PMS1: variants seen among roughly 807,000 people sequenced by gnomAD.
PMS1 encodes PMS1 protein homolog 1.
In PMS1, 79 loss-of-function variants were observed where a neutral mutation model predicts 93.1. That is an observed-to-expected ratio of 0.85 (90% CI 0.71 to 1.02). The LOEUF is 1.02. PMS1 is among the 50% of genes least tolerant of loss of function. The pLI, the probability that PMS1 is intolerant of heterozygous loss-of-function variation, is 0.00. For synonymous variants in PMS1, 335 were observed against 363.4 expected, an observed-to-expected ratio of 0.92 and a Z score of 0.89; for missense variants, 1,064 against 1,085.3, an observed-to-expected ratio of 0.98 and a Z score of 0.28.
intron 7 of PMS1, 72 bp downstream of exon 7, chr2:189,852,849 G>C (rs2106451434): frequency 5.3e-6 from 5 of 939,176 alleles, no homozygotes; most frequent in Non-Finnish European, 8.6e-6. Flanking sequence ...CTGCTTCCAA[G>C]AATTTGCTCT....
chr2:189,801,861 C>T (rs1183852902), intron 3 of PMS1, among the ~76,000 whole-genome samples: 1 of 152,108 alleles, frequency 6.6e-6, no homozygotes, highest in Non-Finnish European at 1.5e-5. Context: ...AAGTAGTATG[C>T]ATCTGGATAA....
Position 189,852,666 on chromosome 2 carries a change from T to C in PMS1, c.711T>C (p.Ser237=). Residue 237 remains serine (S), a synonymous_variant, in exon 7 of 13, where the codon AGT becomes AGC. Transcript: ENST00000441310. ...TAATTATTATATAGATTTATCTCAGTGGATTTCTTCCAAAGTGTGATGCAG... is the reference window on the plus strand; with the variant it reads ...TAATTATTATATAGATTTATCTCAGCGGATTTCTTCCAAAGTGTGATGCAG... The part of the protein sequence containing the change: ...YHSEESQIYL[S]GFLPKCDADH... 6.2e-7 allele frequency: 1 copy of C among 1,606,390 alleles called. No homozygotes were observed. Among genetic ancestry groups the C allele is most frequent in the Non-Finnish European group, 8.5e-7 (1 of 1,173,136 alleles).
intron 4 of PMS1, among the ~76,000 whole-genome samples, chr2:189,807,558 T>C (rs1559235205): frequency 6.6e-6 from 1 of 152,220 alleles, no homozygotes; most frequent in Non-Finnish European, 1.5e-5. Context: ...TTTGTCTTAG[T>C]AGTGACCAGT....
At chr2:189,812,331 A>T (rs2050919155) in intron 4 of PMS1, among the ~76,000 whole-genome samples, 1 of 152,166 alleles carries the variant, frequency 6.6e-6, no homozygotes. Context: ...ACAAAATTTG[A>T]TTTAGACTTC....
In PMS1 at chr2:189,840,720, T is replaced by C. The variant is rs369671627; in HGVS notation, c.583-3244T>C. On this transcript the variant is annotated intron_variant, in intron 5 of 12. Transcript: ENST00000441310. ...CTTAGGTATAAGGATCTGCATAATA[T>C]GATTAAGGTTGTTACCAAGAACTAT... Among the ~76,000 whole-genome samples, 23 of 152,324 alleles carry C rather than the reference T, an allele frequency of 1.5e-4. 1 individual carries two copies. The highest frequency in any genetic ancestry group is 1.4e-3 in the Admixed American group (21 of 15,292).
At chr2:189,850,080 A>G (rs1434099196) in intron 6 of PMS1, among the ~76,000 whole-genome samples, 2 of 152,154 alleles carry the variant, frequency 1.3e-5, no homozygotes, top group Non-Finnish European at 2.9e-5. Context: ...TTTTGCAGTC[A>G]TAACATCTTT....
At chr2:189,827,914 T>TTTTG (rs57432899) in intron 5 of PMS1, among the ~76,000 whole-genome samples, 5,303 of 150,124 alleles carry the variant, frequency 0.035, 214 homozygotes, top group African/African-American at 0.1. Flanking sequence ...AAAAATAAGG[T>TTTTG]TTTGTTTGTT....
At chr2:189,862,764 A>G (rs1453609291) in intron 9 of PMS1, among the ~76,000 whole-genome samples, 1 of 152,186 alleles carries the variant, frequency 6.6e-6, no homozygotes, top group Non-Finnish European at 1.5e-5. Context: ...TTATCCTAAG[A>G]TGTGGCCCTC....
intron 9 of PMS1, among the ~76,000 whole-genome samples, chr2:189,860,800 ATTTTTTTTTTTTTTTTTTTTTTT>A (rs1158514130): frequency 0.033 from 1,340 of 41,092 alleles, 59 homozygotes; most frequent in African/African-American, 0.11. Flanking sequence ...TCTTTGAGGA[ATTTTTTTTTTTTTTTTTTTTTTT>A]TTTTTTTTTT....
Position 189,810,007 on chromosome 2 carries a change from C to T in PMS1, c.418+4253C>T, listed in dbSNP as rs529157347. ...TATATTTTGCCCTCTTGATTTCTGTCTTCCTTCTGTCTAGAGCTACAGTGC... is the reference window on the plus strand; with the variant it reads ...TATATTTTGCCCTCTTGATTTCTGTTTTCCTTCTGTCTAGAGCTACAGTGC... On this transcript the variant is annotated intron_variant, in intron 4 of 12. Coordinates refer to ENST00000441310, the MANE Select transcript of PMS1 (RefSeq NM_000534.5). Among the ~76,000 whole-genome samples the T allele has an allele frequency of 2.0e-5, 3 of 152,302 alleles. No homozygotes were observed. In the South Asian group the frequency reaches 6.2e-4, roughly 32 times the overall value.
chr2:189,821,815 A>T (rs2051919088), intron 5 of PMS1, among the ~76,000 whole-genome samples: 3 of 152,218 alleles, frequency 2.0e-5, no homozygotes. Context: ...TCTCCAAAAC[A>T]TAAATAAATA....
intron 2 of PMS1, among the ~76,000 whole-genome samples, 175 bp from the exon 3 acceptor site, chr2:189,795,594 C>G (rs1294473643): frequency 2.6e-5 from 4 of 152,182 alleles, no homozygotes; most frequent in Non-Finnish European, 5.9e-5. Context: ...AGGGAGTTGC[C>G]TGTTGCACCA....
At chr2:189,867,532 A>G (rs1325982714) in intron 10 of PMS1, among the ~76,000 whole-genome samples, 1 of 149,008 alleles carries the variant, frequency 6.7e-6, no homozygotes. Flanking sequence ...TTTCATTTGT[A>G]TTAGAGAGAG....
chr2:189,853,965 AT>A lies in PMS1; in HGVS notation c.850del (p.Cys284AlafsTer2). 2.5e-6 allele frequency: 4 copies of A among 1,595,686 alleles called. No individual in the cohort carries two copies. Among genetic ancestry groups the A allele is most frequent in the Non-Finnish European group, 3.4e-6 (4 of 1,167,686 alleles). On this transcript the variant is annotated frameshift_variant, in exon 8 of 13. Transcript: ENST00000441310. LOFTEE classifies it high-confidence loss of function. Reference sequence around the variant, plus strand: ...TAATCCGACATCATTACAATCTGAAATGCCTAAAGGAATCTACTCGTTTGTA... The same window carrying A: ...TAATCCGACATCATTACAATCTGAAAGCCTAAAGGAATCTACTCGTTTGTA... Reference protein sequence around the residue: ...KLIRHHYNLKCLKESTRLYPV... With the variant: ...KLIRHHYNLKXLKESTRLYPV...
At chr2:189,785,748 T>G (rs1388845328) in intron 1 of PMS1, among the ~76,000 whole-genome samples, 1 of 151,956 alleles carries the variant, frequency 6.6e-6, no homozygotes, top group Non-Finnish European at 1.5e-5. Context: ...GAGTTGATAC[T>G]GAACTAAATC....
chr2:189,832,457 C>G (rs5743075), intron 5 of PMS1, among the ~76,000 whole-genome samples: 4,954 of 151,966 alleles, frequency 0.033, 280 homozygotes, highest in African/African-American at 0.11. Flanking sequence ...GCAAGGCTGA[C>G]CAGAAGGGTT....
In PMS1 at chr2:189,795,768, G is replaced by A; in HGVS notation, c.133-1G>A. 1 of 1,611,342 alleles carries A rather than the reference G, an allele frequency of 6.2e-7. No homozygotes were observed. Among genetic ancestry groups the A allele is most frequent in the South Asian group, 1.1e-5 (1 of 91,010 alleles). On this transcript the variant is annotated splice_acceptor_variant, in intron 2 of 12. Transcript: ENST00000441310. LOFTEE classifies it high-confidence loss of function. ...TAAAAGTGTTTTTTGACATTTTATA[G>A]GAGAACTATGGATTTGATAAAATTG... is the stretch of plus-strand genomic sequence containing the variant.
chr2:189,806,388 T>TTTTTA (rs771921299), intron 4 of PMS1: 89 of 316,674 alleles, frequency 2.8e-4, no homozygotes, highest in Admixed American at 1.0e-3. Flanking sequence ...TATCTTATGT[T>TTTTTA]TTTTATTTTA....
At chr2:189,805,871 A>G in intron 4 of PMS1, 117 bp downstream of exon 4, 2 of 1,547,576 alleles carry the variant, frequency 1.3e-6, no homozygotes, top group Non-Finnish European at 1.7e-6. Context: ...GGTCCTGATA[A>G]AGGCTAGTTA....
Sources: allele counts gnomAD v4.1 joint callset (sites outside exome capture counted in the v4.1 genomes callset), GRCh38; gene constraint gnomAD v4.1.1; transcripts MANE v1.5; gene names NCBI Gene and HGNC (gene_info 2026-07-23, HGNC 2026-07-21).